ABCC6: variants seen among roughly 807,000 people sequenced by gnomAD.
The protein encoded by ABCC6 is ATP-binding cassette sub-family C member 6.
A neutral mutation model predicts 169.5 loss-of-function variants in ABCC6; 126 were observed. The ratio of observed to expected loss-of-function variants is 0.74; its 90% CI spans 0.64 to 0.86. The LOEUF (loss-of-function observed/expected upper bound fraction) is 0.86, where lower values mean the gene tolerates loss of function less well. Among genes scored for constraint, ABCC6 ranks in the 40% least tolerant of loss-of-function variants. The pLI is 0.00. For synonymous variants in ABCC6, 752 were observed against 814.7 expected (o/e 0.92, Z 1.31); for missense variants, 1,733 against 1,927.2 (o/e 0.90, Z 1.89).
At chr16:16,190,862 A>AT (rs992731545) in intron 11 of ABCC6, among the ~76,000 whole-genome samples, 1 of 126,184 alleles carries the variant, frequency 7.9e-6, no homozygotes, top group African/African-American at 3.0e-5. Context: ...CAGGCAGAGG[A>AT]TGGGGGGATG....
chr16:16,182,267 T>G (rs559368740), intron 17 of ABCC6, 145 bp downstream of exon 17: 1 of 1,006,314 alleles, frequency 9.9e-7, no homozygotes, highest in East Asian at 2.5e-5. Flanking sequence ...TAGCACGTGC[T>G]TGACGCTGAG....
intron 22 of ABCC6, 60 bp downstream of exon 22, chr16:16,169,586 T>A: frequency 6.3e-7 from 1 of 1,586,166 alleles, no homozygotes; most frequent in Non-Finnish European, 8.6e-7. Context: ...GGTAAAGGAG[T>A]CCTGAGCACC....
At chr16:16,202,245 C>G (rs958643085) in intron 8 of ABCC6, 67 bp from the exon 9 acceptor site, 210 of 1,537,324 alleles carry the variant, frequency 1.4e-4, no homozygotes, top group Non-Finnish European at 1.8e-4. Context: ...TGCCTTTGCC[C>G]AAACCAGTCC....
chr16:16,161,491 T>C lies in ABCC6; in HGVS notation c.3580A>G (p.Lys1194Glu). The C allele has an allele frequency of 6.2e-7, 1 of 1,613,964 alleles. No homozygotes were observed. ...ACGAGGCCAGCACTGAGGTGGGCTT[T>C]GCTCAGCACAGCACACGTGGCAGCT... ...FAAATCAVLS[K>E]AHLSAGLVGF... The change falls in exon 25 of 31, where the codon AAA becomes GAA. Residue 1194 changes from lysine (K) to glutamate (E), a missense_variant. By Grantham distance (56) the Lys-to-Glu change is moderately conservative. Coordinates refer to ENST00000205557, the MANE Select transcript of ABCC6 (RefSeq NM_001171.6).
intron 27 of ABCC6, among the ~76,000 whole-genome samples, chr16:16,156,801 G>T (rs1013121288): frequency 1.3e-5 from 2 of 151,744 alleles, no homozygotes; most frequent in African/African-American, 4.8e-5. Flanking sequence ...AAATTAGCCG[G>T]GTGTGGTGGC....
At chr16:16,207,731 C>T (rs1247253588) in intron 7 of ABCC6, among the ~76,000 whole-genome samples, 3 of 152,128 alleles carry the variant, frequency 2.0e-5, no homozygotes, top group Non-Finnish European at 4.4e-5. Context: ...TATTTGAAGG[C>T]AGGGCAGCAT....
In ABCC6 at chr16:16,178,957, A is replaced by G. The variant is rs1318540117; in HGVS notation, c.2256T>C (p.Asn752=). The G allele has an allele frequency of 1.2e-6, 2 of 1,612,494 alleles. No homozygotes were observed. The highest frequency in any genetic ancestry group is 1.7e-6 in the Non-Finnish European group (2 of 1,179,984). The change falls in exon 18 of 31, where the codon AAT becomes AAC. Residue 752 remains asparagine (N), a synonymous_variant. Transcript: ENST00000205557. ...GCCGCTGCTTCTGGCCTCCGGAGAG[A>G]TTCATGCCCTGTGGCCACAAAAGGA... is the stretch of plus-strand genomic sequence containing the variant. ...IHTSIGEQGM[N]LSGGQKQRLS...
intron 14 of ABCC6, among the ~76,000 whole-genome samples, chr16:16,185,830 G>A (rs2047640462): frequency 6.6e-6 from 1 of 152,178 alleles, no homozygotes; most frequent in African/African-American, 2.4e-5. Flanking sequence ...TTATTTCACT[G>A]TGATAACAAG....
At chr16:16,186,660 G>A (rs899770224) in intron 14 of ABCC6, among the ~76,000 whole-genome samples, 14 of 149,720 alleles carry the variant, frequency 9.4e-5, no homozygotes, top group African/African-American at 2.5e-4. Flanking sequence ...TCTAGTTGAC[G>A]GAAAGCAAGC....
At chr16:16,192,665 TA>T (rs557868544) in intron 11 of ABCC6, among the ~76,000 whole-genome samples, 164 bp downstream of exon 11, 141 of 152,006 alleles carry the variant, frequency 9.3e-4, no homozygotes, top group African/African-American at 3.3e-3. Flanking sequence ...ATTGAGAGGA[TA>T]GGGGGAGGGG....
chr16:16,205,971 C>T (rs905102251), intron 7 of ABCC6, among the ~76,000 whole-genome samples: 9 of 152,174 alleles, frequency 5.9e-5, no homozygotes, highest in Non-Finnish European at 1.0e-4. Context: ...GGCTTTGGAG[C>T]CAGGAGACTG....
intron 23 of ABCC6, among the ~76,000 whole-genome samples, chr16:16,165,108 C>A (rs1417739260): frequency 6.6e-6 from 1 of 152,196 alleles, no homozygotes; most frequent in Non-Finnish European, 1.5e-5. Context: ...AAGGCTCTGG[C>A]CCTTAATATT....
chr16:16,154,709 T>TCCA lies in ABCC6; in HGVS notation c.4124_4126dup (p.Leu1375_Glu1376insVal). ...CACCAAGGCTTTGAGCTGCACCGTCTCCAGGGCTGCCCAGATAGCCTCGTC... is the reference window on the plus strand; with the variant it reads ...CACCAAGGCTTTGAGCTGCACCGTCTCCACCAGGGCTGCCCAGATAGCCTCGTC... On this transcript the variant is annotated inframe_insertion, in exon 29 of 31. Transcript: ENST00000205557. 1 of 1,613,612 alleles carries TCCA rather than the reference T, an allele frequency of 6.2e-7. No individual in the cohort carries two copies.
intron 9 of ABCC6, among the ~76,000 whole-genome samples, chr16:16,199,250 A>C (rs2048158884): frequency 1.3e-5 from 2 of 148,764 alleles, no homozygotes; most frequent in South Asian, 4.3e-4. Flanking sequence ...AAGACATGTA[A>C]GAGACATCTC....
At chr16:16,165,091 C>T (rs768617469) in intron 23 of ABCC6, among the ~76,000 whole-genome samples, 20 of 152,180 alleles carry the variant, frequency 1.3e-4, no homozygotes, top group East Asian at 1.9e-4. Context: ...AAAAACATTA[C>T]GCGTGAAAGG....
chr16:16,204,572 G>A (rs2048335064), intron 7 of ABCC6, among the ~76,000 whole-genome samples: 1 of 152,184 alleles, frequency 6.6e-6, no homozygotes, highest in African/African-American at 2.4e-5. Context: ...GCTATAACCA[G>A]GGGCCACAGA....
rs1238708477 is a variant in ABCC6 at position 16,183,806 on chromosome 16, G to A, written c.1944-876C>T. ...GCACACGACAGCCCCCAACAAAGGA[G>A]TTTCAGCCCAAAATATCAACCGTGC... On this transcript the variant is annotated intron_variant, in intron 15 of 30. Coordinates refer to ENST00000205557, the MANE Select transcript of ABCC6 (RefSeq NM_001171.6). Among the ~76,000 whole-genome samples the A allele has an allele frequency of 3.9e-5, 6 of 152,136 alleles. No homozygotes were observed. The East Asian group carries it at 1.2e-3, about 29-fold the overall frequency.
At chr16:16,183,755 C>T (rs73524046) in intron 15 of ABCC6, among the ~76,000 whole-genome samples, 4,551 of 152,164 alleles carry the variant, frequency 0.03, 125 homozygotes, top group African/African-American at 0.071. Flanking sequence ...TGGGTAGAGA[C>T]TGGGGTCAGC....
chr16:16,165,945 G>A lies in ABCC6; in HGVS notation c.2996-12C>T. ...AAACAGCCCAATGGCTGGGGAGGGA[G>A]AGGAGGTAAGAGCATGAGGGCTGGA... On this transcript the variant is annotated splice_polypyrimidine_tract_variant and intron_variant, in intron 22 of 30. Transcript: ENST00000205557. 1 of 1,611,856 alleles carries A rather than the reference G, an allele frequency of 6.2e-7. No individual in the cohort carries two copies.
Sources: allele counts gnomAD v4.1 joint callset (sites outside exome capture counted in the v4.1 genomes callset), GRCh38; gene constraint gnomAD v4.1.1; transcripts MANE v1.5; gene names NCBI Gene and HGNC (gene_info 2026-07-23, HGNC 2026-07-21).